The following KAZN variants were observed in gnomAD, a reference collection of about 807,000 sequenced individuals.
KAZN encodes kazrin.
A neutral mutation model predicts 87.4 loss-of-function variants in KAZN; 40 were observed. The observed-to-expected ratio is 0.46, with a 90% CI of 0.36 to 0.60. KAZN has a LOEUF of 0.60. Ranked by LOEUF, KAZN falls within the 20% of genes least tolerant of loss-of-function variation. The probability of loss-of-function intolerance (pLI) is 0.00; values close to 1 mark genes in which losing one functional copy is unlikely to be tolerated. For synonymous variants in KAZN, 466 were observed against 458.3 expected, an observed-to-expected ratio of 1.02 and a Z score of -0.22; for missense variants, 898 against 1,073.9, an observed-to-expected ratio of 0.84 and a Z score of 2.29.
intron 1 of KAZN, among the ~76,000 whole-genome samples, chr1:13,896,032 C>A (rs1189194791): frequency 6.6e-6 from 1 of 151,700 alleles, no homozygotes; most frequent in Non-Finnish European, 1.5e-5. Flanking sequence ...TGCTTTGTCA[C>A]CCAGGCTACA....
At chr1:14,295,476 C>T (rs914738777) in intron 2 of KAZN, among the ~76,000 whole-genome samples, 1 of 152,060 alleles carries the variant, frequency 6.6e-6, no homozygotes, top group African/African-American at 2.4e-5. Flanking sequence ...GGACAAAAAA[C>T]CACACATGCA....
At chr1:14,463,668 A>G (rs930282251) in intron 2 of KAZN, among the ~76,000 whole-genome samples, 7 of 152,148 alleles carry the variant, frequency 4.6e-5, no homozygotes, top group Non-Finnish European at 4.4e-5. Context: ...TCTGTAATCA[A>G]TTACTGTGGC....
upstream of KAZN, among the ~76,000 whole-genome samples, chr1:14,593,709 G>T (rs970808500): frequency 2.0e-5 from 3 of 152,186 alleles, no homozygotes; most frequent in Admixed American, 6.5e-5. Flanking sequence ...AGTAAATGTT[G>T]AATGTTAAAT....
intron 2 of KAZN, among the ~76,000 whole-genome samples, chr1:14,558,909 CA>C (rs1674082824): frequency 6.6e-6 from 1 of 152,154 alleles, no homozygotes; most frequent in Admixed American, 6.5e-5. Context: ...CATGGAGAAC[CA>C]GGAGTCTCTC....
chr1:15,023,092 C>T (rs1478968813), intron 2 of KAZN, among the ~76,000 whole-genome samples: 1 of 152,102 alleles, frequency 6.6e-6, no homozygotes, highest in African/African-American at 2.4e-5. Context: ...AGCTGGGGGT[C>T]TGGTTTCCAG....
At chr1:14,134,191 G>C (rs1645055911) in intron 1 of KAZN, among the ~76,000 whole-genome samples, 2 of 152,160 alleles carry the variant, frequency 1.3e-5, no homozygotes, top group African/African-American at 4.8e-5. Context: ...CTGGGTAACA[G>C]AAAGTGGTAA....
intron 1 of KAZN, among the ~76,000 whole-genome samples, chr1:14,625,989 T>G (rs1679114241): frequency 1.3e-5 from 2 of 152,242 alleles, no homozygotes; most frequent in South Asian, 4.1e-4. Context: ...ATTTGATATG[T>G]CGTGCAGATT....
At chr1:14,653,151 C>G (rs1044369501) in intron 1 of KAZN, among the ~76,000 whole-genome samples, 3 of 152,174 alleles carry the variant, frequency 2.0e-5, no homozygotes, top group Admixed American at 1.3e-4. Flanking sequence ...GAGGGTGGTT[C>G]AGAAACAAGT....
At chr1:14,751,864 G>A (rs916182584) in intron 1 of KAZN, among the ~76,000 whole-genome samples, 1 of 152,228 alleles carries the variant, frequency 6.6e-6, no homozygotes, top group Non-Finnish European at 1.5e-5. Context: ...AGCCACTGCT[G>A]AGCCTTTGGG....
chr1:15,097,692 C>T (rs1175504899), intron 10 of KAZN, among the ~76,000 whole-genome samples: 1 of 152,082 alleles, frequency 6.6e-6, no homozygotes, highest in African/African-American at 2.4e-5. Context: ...GTGGTGTGTG[C>T]CTGTGATCCC....
At chr1:14,418,663 A>G (rs1050927125) in intron 2 of KAZN, among the ~76,000 whole-genome samples, 1 of 152,114 alleles carries the variant, frequency 6.6e-6, no homozygotes. Flanking sequence ...TTTTCAGGAG[A>G]TCCAATGCTT....
intron 8 of KAZN, among the ~76,000 whole-genome samples, chr1:15,085,310 A>T (rs1371787030): frequency 6.6e-6 from 1 of 152,174 alleles, no homozygotes; most frequent in Non-Finnish European, 1.5e-5. Context: ...TGTATCAGCC[A>T]CATTTTACCT....
intron 1 of KAZN, among the ~76,000 whole-genome samples, chr1:14,925,955 G>T (rs1282135009): frequency 6.6e-6 from 1 of 152,158 alleles, no homozygotes; most frequent in Non-Finnish European, 1.5e-5. Flanking sequence ...ATCTTTTTGA[G>T]ACTCAATTTA....
At chr1:13,937,469 A>T (rs182504267) in intron 1 of KAZN, among the ~76,000 whole-genome samples, 1 of 152,188 alleles carries the variant, frequency 6.6e-6, no homozygotes, top group Non-Finnish European at 1.5e-5. Context: ...CTCCCATTGC[A>T]TAGGTTGTCT....
rs1377606104 is a variant in KAZN, at chr1:14,514,530, G to GAAATATATATTTTCT, written c.250-84452_250-84451insAATATATATTTTCTA. On this transcript the variant is annotated intron_variant, in intron 2 of 16. Coordinates refer to the KAZN transcript ENST00000636203. ...TATAATATATGAAATATATATTTTA[G>GAAATATATATTTTCT]ATATATTTTATATATAATATATGAA... is the stretch of plus-strand genomic sequence containing the variant. Among the ~76,000 whole-genome samples the GAAATATATATTTTCT allele has an allele frequency of 9.8e-4, 21 of 21,480 alleles. 2 individuals are homozygous for GAAATATATATTTTCT. The highest frequency in any genetic ancestry group is 6.9e-3 in the Admixed American group (8 of 1,156). The allele number at this position is 21,480 out of a possible 152,430, so 14.1% of individuals were successfully genotyped here.
At chr1:14,444,277 G>A (rs973646079) in intron 2 of KAZN, among the ~76,000 whole-genome samples, 3 of 148,092 alleles carry the variant, frequency 2.0e-5, no homozygotes, top group Non-Finnish European at 4.4e-5. Flanking sequence ...CCTCCAACTC[G>A]CTCATCTCCA....
Position 14,778,463 on chromosome 1 carries a change from C to T in KAZN, c.226+179240C>T, listed in dbSNP as rs7541075. Among the ~76,000 whole-genome samples the T allele has an allele frequency of 7.3e-3, 1,106 of 152,126 alleles. 14 individuals are homozygous for T. Among genetic ancestry groups the T allele is most frequent in the African/African-American group, 0.025 (1,045 of 41,518 alleles). ...GGAAGGGGACATCATGAGGCAATGC[C>T]TCCCGTCCCGTCAGGGCAGGGAACT... On this transcript the variant is annotated intron_variant, in intron 1 of 14. Transcript: ENST00000376030.
intron 1 of KAZN, among the ~76,000 whole-genome samples, chr1:14,920,260 C>A (rs1658344744): frequency 6.8e-6 from 1 of 146,662 alleles, no homozygotes; most frequent in Admixed American, 6.9e-5. Flanking sequence ...TTTTTTCTGT[C>A]TGCAGCCTCT....
At chr1:14,723,531 C>T (rs570644345) in intron 1 of KAZN, among the ~76,000 whole-genome samples, 1 of 152,302 alleles carries the variant, frequency 6.6e-6, no homozygotes, top group East Asian at 1.9e-4. Context: ...GCCTCTATGG[C>T]CACGATGGGG....
Sources: allele counts gnomAD v4.1 joint callset (sites outside exome capture counted in the v4.1 genomes callset), GRCh38; gene constraint gnomAD v4.1.1; transcripts MANE v1.5; gene names NCBI Gene and HGNC (gene_info 2026-07-23, HGNC 2026-07-21).